HAS2: variants seen among roughly 807,000 people sequenced by gnomAD.
HAS2 encodes the protein HA synthase 2.
A neutral mutation model predicts 51.6 loss-of-function variants in HAS2; 16 were observed. The observed-to-expected ratio is 0.31, with a 90% confidence interval of 0.21 to 0.47. The LOEUF is 0.47. Among genes scored for constraint, HAS2 ranks in the 20% least tolerant of loss-of-function variants. The probability of loss-of-function intolerance (pLI) is 1.00; values close to 1 mark genes in which losing one functional copy is unlikely to be tolerated. For missense variants in HAS2, 361 were observed against 662.6 expected (o/e 0.54, Z 5.00); for synonymous variants, 228 against 235.5 (o/e 0.97, Z 0.29).
At chr8:121,629,442 G>T in intron 1 of HAS2, 102 bp from the exon 2 acceptor site, 1 of 924,944 alleles carries the variant, frequency 1.1e-6, no homozygotes, top group Non-Finnish European at 1.6e-6. Flanking sequence ...GCATTCAGGA[G>T]TTTTAACACT....
Position 121,614,037 on chromosome 8 carries a change from T to C in HAS2, c.*72A>G, listed in dbSNP as rs1433471035. On this transcript the variant is annotated 3_prime_UTR_variant, in exon 4 of 4. Transcript: ENST00000303924. This position sits in a 1 kb window ranked among gnomAD's most constrained non-coding sequence, Gnocchi z 7.2. ...TGTCTCCTTTGGTGGCATTATCTGA[T>C]GCCACAATACTGTACAGCCCCTAGA... is the stretch of plus-strand genomic sequence containing the variant. 6.2e-7 allele frequency: 1 copy of C among 1,609,512 alleles called. No homozygotes were observed. The highest frequency in any genetic ancestry group is 2.2e-5 in the East Asian group (1 of 44,880).
chr8:121,614,882 C>G lies in HAS2; in HGVS notation c.886G>C (p.Val296Leu), dbSNP rs759092543. The change falls in exon 4 of 4, where the codon GTG (valine) becomes CTG (leucine). Residue 296 changes from valine to leucine, a missense_variant. This residue lies in a region of HAS2 where 106 missense variants were observed against 241.0 expected (regional missense o/e 0.44). Coordinates refer to ENST00000303924, the MANE Select transcript of HAS2 (RefSeq NM_005328.3). This position sits in a 1 kb window ranked among gnomAD's most constrained non-coding sequence, Gnocchi z 7.2. ...MYRNSLLHEF[V>L]EDWYNQEFMG... ...AATTCTTGATTGTACCAATCTTCCA[C>G]AAACTCATGCAACAAGGAGTTTCTG... The G allele has an allele frequency of 6.2e-7, 1 of 1,614,228 alleles. No individual in the cohort carries two copies.
In HAS2 at chr8:121,629,055, G is replaced by T; in HGVS notation, c.286C>A (p.Pro96Thr). The T allele has an allele frequency of 6.2e-7, 1 of 1,614,022 alleles. No homozygotes were observed. Among genetic ancestry groups the T allele is most frequent in the Non-Finnish European group, 8.5e-7 (1 of 1,179,954 alleles). ...TGCAAACATTTCCTTAAGTAGTCTG[G>T]ATCTTCTTGATAGGCAGCGATGCAA... ...ALCIAAYQEDPDYLRKCLQSV... is the reference protein window; with the variant it reads ...ALCIAAYQEDTDYLRKCLQSV... Residue 96 changes from proline to threonine, a missense_variant, in exon 2 of 4, where the codon CCA becomes ACA. Physicochemically the swap from Pro to Thr is conservative, Grantham distance 38. Transcript: ENST00000303924.
chr8:121,628,216 T>C (rs1319644832), intron 2 of HAS2, among the ~76,000 whole-genome samples: 6 of 152,062 alleles, frequency 3.9e-5, no homozygotes, highest in Middle Eastern at 3.2e-3. Context: ...ATTTTTTTTT[T>C]CTCTTTTAAA....
chr8:121,617,187 A>T lies in HAS2; in HGVS notation c.647T>A (p.Met216Lys). The T allele has an allele frequency of 6.2e-7, 1 of 1,608,232 alleles. No individual in the cohort carries two copies. The highest frequency in any genetic ancestry group is 8.5e-7 in the Non-Finnish European group (1 of 1,175,540). ...DYVQVCDSDT[M>K]LDPASSVEMV... is the part of the protein sequence containing the mutation. ...CTCCACAGATGAGGCTGGGTCAAGC[A>T]TAGTGTCTGAATCACAAACCTGCAA... Residue 216 changes from methionine to lysine, a missense_variant, in exon 3 of 4, where the codon ATG (methionine) becomes AAG (lysine). Met to Lys is a moderately conservative substitution (Grantham distance 95, BLOSUM62 -1). This residue lies in a region of HAS2 where 49 missense variants were observed against 108.3 expected (regional missense o/e 0.45). Coordinates refer to ENST00000303924, the MANE Select transcript of HAS2 (RefSeq NM_005328.3).
At chr8:121,640,324 G>T (rs1229279602) in intron 1 of HAS2, among the ~76,000 whole-genome samples, 2 of 152,140 alleles carry the variant, frequency 1.3e-5, no homozygotes, top group African/African-American at 4.8e-5. Context: ...GTCGGAGCTG[G>T]AAGCCCAGAT....
At position 121,624,824 on chromosome 8, in the gene HAS2, A is replaced by G. The variant is rs576420341; in HGVS notation, c.627+3890T>C. On this transcript the variant is annotated intron_variant, in intron 2 of 3. Transcript: ENST00000303924. ...ATAATCAAGACATCCGGCTGGGCGC[A>G]GTGGCTCACGCCTGTAATCCCAGCA... Among the ~76,000 whole-genome samples, 29 of 152,280 alleles carry G rather than the reference A, an allele frequency of 1.9e-4. No homozygotes were observed. The East Asian group carries it at 5.4e-3, about 28-fold the overall frequency.
At chr8:121,621,211 C>A (rs958392609) in intron 2 of HAS2, among the ~76,000 whole-genome samples, 1 of 152,112 alleles carries the variant, frequency 6.6e-6, no homozygotes, top group African/African-American at 2.4e-5. Context: ...TGTTTGAAGC[C>A]CAATTTTAAT....
chr8:121,625,909 A>G (rs1434857249), intron 2 of HAS2, among the ~76,000 whole-genome samples: 6 of 152,054 alleles, frequency 3.9e-5, no homozygotes, highest in African/African-American at 1.4e-4. Flanking sequence ...ATCATCAGAT[A>G]AATTTGCTAC....
At chr8:121,616,804 C>T (rs898351985) in intron 3 of HAS2, among the ~76,000 whole-genome samples, 3 of 151,972 alleles carry the variant, frequency 2.0e-5, no homozygotes, top group African/African-American at 7.3e-5. Context: ...AAGTTATGGC[C>T]CAAAGGTATA....
intron 1 of HAS2, among the ~76,000 whole-genome samples, chr8:121,636,232 T>C (rs1185698275): frequency 3.3e-5 from 5 of 152,312 alleles, no homozygotes; most frequent in African/African-American, 9.6e-5. Flanking sequence ...CTCATTCACA[T>C]TGATACCCAT....
chr8:121,625,508 T>G (rs1341836943), intron 2 of HAS2, among the ~76,000 whole-genome samples: 2 of 151,108 alleles, frequency 1.3e-5, no homozygotes, highest in African/African-American at 4.9e-5. Flanking sequence ...AAAAATTCAT[T>G]CCCTTCAACT....
At position 121,614,355 on chromosome 8, in the gene HAS2, A is replaced by G; in HGVS notation, c.1413T>C (p.Ile471=). 3.7e-6 allele frequency: 6 copies of G among 1,614,014 alleles called. No individual in the cohort carries two copies. The highest frequency in any genetic ancestry group is 5.1e-6 in the Non-Finnish European group (6 of 1,179,886). The part of the protein sequence containing the change: ...AGWGTSGRKT[I]VVNFIGLIPV... Reference sequence around the variant, plus strand: ...GAATGAGTCCTATGAAATTAACAACAATGGTTTTCCTTCCTGATGTGCCCC... The same window carrying G: ...GAATGAGTCCTATGAAATTAACAACGATGGTTTTCCTTCCTGATGTGCCCC... The change falls in exon 4 of 4, where the codon ATT becomes ATC. Residue 471 remains isoleucine (I), a synonymous_variant. Coordinates refer to ENST00000303924, the MANE Select transcript of HAS2 (RefSeq NM_005328.3). The surrounding 1 kb of genome is among the most constrained non-coding windows in gnomAD (Gnocchi z 7.2).
intron 3 of HAS2, among the ~76,000 whole-genome samples, chr8:121,616,722 C>T (rs1351377997): frequency 6.6e-6 from 1 of 152,136 alleles, no homozygotes; most frequent in Non-Finnish European, 1.5e-5. Context: ...AGGCATAAAC[C>T]ACTGCGCCCG....
intron 2 of HAS2, among the ~76,000 whole-genome samples, chr8:121,622,332 G>A (rs1812784603): frequency 6.6e-6 from 1 of 151,828 alleles, no homozygotes; most frequent in African/African-American, 2.4e-5. Flanking sequence ...TACTATATAA[G>A]GCCTTGGAAT....
Position 121,613,993 on chromosome 8 carries a change from A to G in HAS2, c.*116T>C. On this transcript the variant is annotated 3_prime_UTR_variant, in exon 4 of 4. Coordinates refer to ENST00000303924, the MANE Select transcript of HAS2 (RefSeq NM_005328.3). ...AAACCCATATAAATGTCTTTGTTCAAGTCCCAGCAGCAGTGATATGTCTCC... is the reference window on the plus strand; with the variant it reads ...AAACCCATATAAATGTCTTTGTTCAGGTCCCAGCAGCAGTGATATGTCTCC... The G allele has an allele frequency of 6.5e-7, 1 of 1,529,270 alleles. No individual in the cohort carries two copies. Among genetic ancestry groups the G allele is most frequent in the Non-Finnish European group, 8.9e-7 (1 of 1,118,260 alleles). The allele number at this position is 1,529,270 out of a possible 1,614,324, so 94.7% of individuals were successfully genotyped here. A position where few individuals can be genotyped will look rare whatever the true frequency, so the allele number is the denominator to read the frequency against.
chr8:121,625,857 C>T (rs1156469637), intron 2 of HAS2, among the ~76,000 whole-genome samples: 1 of 151,834 alleles, frequency 6.6e-6, no homozygotes, highest in Non-Finnish European at 1.5e-5. Flanking sequence ...TTTTCCCTTC[C>T]TCTGTTTTCT....
chr8:121,629,047 G>T lies in HAS2; in HGVS notation c.294C>A (p.Tyr98Ter). 6.2e-7 allele frequency: 1 copy of T among 1,614,030 alleles called. No homozygotes were observed. The highest frequency in any genetic ancestry group is 8.5e-7 in the Non-Finnish European group (1 of 1,179,950). ...CIAAYQEDPD[Y>*]LRKCLQSVKR... is the part of the protein sequence containing the mutation. ...TCACAGATTGCAAACATTTCCTTAA[G>T]TAGTCTGGATCTTCTTGATAGGCAG... is the stretch of plus-strand genomic sequence containing the variant. The change falls in exon 2 of 4, where the codon TAC becomes TAA. Residue 98 changes from tyrosine (Y) to a stop codon, truncating the protein, a stop_gained. Transcript: ENST00000303924. LOFTEE classifies it high-confidence loss of function.
chr8:121,616,527 C>G (rs1229420778), intron 3 of HAS2, among the ~76,000 whole-genome samples: 1 of 151,606 alleles, frequency 6.6e-6, no homozygotes, highest in Non-Finnish European at 1.5e-5. Context: ...ACCTCCACCT[C>G]CCAGGTCCAA....
Sources: gnomAD v4.1 joint callset for allele counts (sites outside exome capture counted in the v4.1 genomes callset) on GRCh38, gnomAD v4.1.1 for gene constraint, gnomAD v4.1.1 regional missense constraint, Gnocchi (gnomAD v3.1) non-coding constraint, MANE v1.5 for transcripts, NCBI Gene and HGNC (gene_info 2026-07-23, HGNC 2026-07-21) for gene names.